Variants in PDE6C observed in about 807,000 individuals in gnomAD.
The protein encoded by PDE6C is cone cGMP-specific 3',5'-cyclic phosphodiesterase subunit alpha'.
In PDE6C, 75 loss-of-function variants were observed where a neutral mutation model predicts 113.1. That is an observed-to-expected ratio of 0.66 (90% confidence interval 0.55 to 0.80). The LOEUF (loss-of-function observed/expected upper bound fraction) is 0.80, where lower values mean the gene tolerates loss of function less well. PDE6C is among the 30% of genes least tolerant of loss of function. The pLI is 0.00. For missense variants in PDE6C, 912 were observed against 1,038.6 expected (o/e 0.88, Z 1.67); for synonymous variants, 375 against 363.7 (o/e 1.03, Z -0.35).
chr10:93,620,384 C>A (rs2058439581), intron 1 of PDE6C, among the ~76,000 whole-genome samples: 1 of 152,116 alleles, frequency 6.6e-6, no homozygotes, highest in South Asian at 2.1e-4. Context: ...TTTCTTCTGG[C>A]CCAACCTCAG....
intron 1 of PDE6C, among the ~76,000 whole-genome samples, chr10:93,614,181 G>C (rs997362166): frequency 1.3e-5 from 2 of 152,176 alleles, no homozygotes; most frequent in African/African-American, 4.8e-5. Context: ...AGTTGAATGG[G>C]AACAACTTGT....
At chr10:93,629,627 G>A (rs1437834008) in intron 8 of PDE6C, among the ~76,000 whole-genome samples, 1 of 152,194 alleles carries the variant, frequency 6.6e-6, no homozygotes, top group Non-Finnish European at 1.5e-5. Context: ...CACAGAATGA[G>A]GGTGGGGTGG....
intron 18 of PDE6C, 99 bp downstream of exon 18, chr10:93,659,266 G>A (rs1476376880): frequency 2.4e-6 from 2 of 831,460 alleles, no homozygotes; most frequent in East Asian, 5.2e-5. Flanking sequence ...TCAGAATTCT[G>A]AAAAATTACA....
Position 93,640,551 on chromosome 10 carries a change from G to C in PDE6C, c.1731G>C (p.Leu577Phe). ...GFNVGQTMFT[L>F]LMTGRLKKYY... ...ACGTGGGGCAGACCATGTTTACTTT[G>C]CTGATGGTAGGTACAGAGGGCTGTA... The change falls in exon 13 of 22, where the codon TTG (leucine) becomes TTC (phenylalanine). Residue 577 changes from leucine to phenylalanine, a missense_variant. By Grantham distance (22) the Leu-to-Phe change is conservative. Coordinates refer to ENST00000371447, the MANE Select transcript of PDE6C (RefSeq NM_006204.4). 2.5e-6 allele frequency: 4 copies of C among 1,606,538 alleles called. No homozygotes were observed. The highest frequency in any genetic ancestry group is 3.4e-6 in the Non-Finnish European group (4 of 1,173,106).
rs760329824 is a variant in PDE6C, at chr10:93,612,868, T to C, written c.143T>C (p.Met48Thr). The stretch of plus-strand genomic sequence containing the variant: ...AGCCAGGTGCCAGTCCAGTCCAGCA[T>C]GTCCTTCTCTGAGCTGACCCAGGTG... Reference protein sequence around the residue: ...KNSQVPVQSSMSFSELTQVEE... With the variant: ...KNSQVPVQSSTSFSELTQVEE... The change falls in exon 1 of 22, where the codon ATG (methionine) becomes ACG (threonine). Residue 48 changes from methionine (M) to threonine (T), a missense_variant. Physicochemically the swap from Met to Thr is moderately conservative, Grantham distance 81. Coordinates refer to ENST00000371447, the MANE Select transcript of PDE6C (RefSeq NM_006204.4). 1.2e-6 allele frequency: 2 copies of C among 1,614,126 alleles called. No individual in the cohort carries two copies. Among genetic ancestry groups the C allele is most frequent in the Non-Finnish European group, 1.7e-6 (2 of 1,180,006 alleles).
chr10:93,625,252 G>C (rs145086429), intron 4 of PDE6C, among the ~76,000 whole-genome samples: 1 of 152,176 alleles, frequency 6.6e-6, no homozygotes, highest in Non-Finnish European at 1.5e-5. Flanking sequence ...TAGCTTAATT[G>C]TCTATGAAAG....
chr10:93,659,870 T>C (rs1029676644), intron 18 of PDE6C, among the ~76,000 whole-genome samples: 1 of 152,206 alleles, frequency 6.6e-6, no homozygotes, highest in South Asian at 2.1e-4. Context: ...AAGGGTGTTT[T>C]TGCTCCTATA....
At chr10:93,614,477 A>ACC (rs1483873364) in intron 1 of PDE6C, among the ~76,000 whole-genome samples, 5 of 152,282 alleles carry the variant, frequency 3.3e-5, no homozygotes, top group Admixed American at 2.6e-4. Context: ...CAAGTGTCTA[A>ACC]ATGGATGCTC....
intron 14 of PDE6C, among the ~76,000 whole-genome samples, 169 bp downstream of exon 14, chr10:93,641,198 G>A (rs145683622): frequency 1.5e-4 from 23 of 152,224 alleles, no homozygotes; most frequent in African/African-American, 5.1e-4. Context: ...TCACGATAAC[G>A]TTGCTCTTTC....
chr10:93,643,464 C>T (rs590226), intron 14 of PDE6C, among the ~76,000 whole-genome samples: 32,495 of 151,976 alleles, frequency 0.21, 3,649 homozygotes, highest in Admixed American at 0.27. Flanking sequence ...TCACAGCTCA[C>T]TGCAGCCTTG....
At chr10:93,655,907 T>C (rs2058635792) in intron 16 of PDE6C, 47 bp downstream of exon 16, 1 of 943,254 alleles carries the variant, frequency 1.1e-6, no homozygotes, top group Admixed American at 1.7e-5. Context: ...CTCTGTGTGG[T>C]TTTACCTTCC....
At chr10:93,645,416 A>G (rs950005733) in intron 14 of PDE6C, among the ~76,000 whole-genome samples, 20 of 152,168 alleles carry the variant, frequency 1.3e-4, no homozygotes, top group Non-Finnish European at 2.9e-4. Flanking sequence ...GTCTTCACAT[A>G]ATCTCTAGAC....
intron 15 of PDE6C, among the ~76,000 whole-genome samples, chr10:93,647,562 C>T (rs913489596): frequency 6.6e-6 from 1 of 152,198 alleles, no homozygotes; most frequent in Admixed American, 6.6e-5. Context: ...TCTAATTCCG[C>T]TATGCTCTTG....
chr10:93,632,928 A>C (rs1272010979), intron 8 of PDE6C, among the ~76,000 whole-genome samples: 7 of 152,234 alleles, frequency 4.6e-5, no homozygotes, highest in Non-Finnish European at 1.0e-4. Flanking sequence ...CTATAAGTGC[A>C]GTTGGAATTC....
intron 15 of PDE6C, 150 bp from the exon 16 acceptor site, chr10:93,655,610 C>CAAAAAAAAAAAAAAAAAAAGAAA: frequency 3.8e-6 from 1 of 265,126 alleles, no homozygotes; most frequent in Non-Finnish European, 6.6e-6. Context: ...AAAAGCAAGC[C>CAAAAAAAAAAAAAAAAAAAGAAA]AAAAAAAAAA....
chr10:93,659,379 A>G (rs1457564493), intron 18 of PDE6C, among the ~76,000 whole-genome samples: 2 of 152,174 alleles, frequency 1.3e-5, no homozygotes, highest in Admixed American at 6.5e-5. Context: ...TTTAACATTG[A>G]AACACTGTAA....
At chr10:93,633,949 C>T (rs951627199) in intron 8 of PDE6C, among the ~76,000 whole-genome samples, 1 of 152,050 alleles carries the variant, frequency 6.6e-6, no homozygotes, top group African/African-American at 2.4e-5. Context: ...TGCTAGAGTA[C>T]ATATAATGGC....
At chr10:93,625,946 C>A (rs959914689) in intron 5 of PDE6C, among the ~76,000 whole-genome samples, 2 of 152,122 alleles carry the variant, frequency 1.3e-5, no homozygotes, top group African/African-American at 4.8e-5. Context: ...TAAAGAAGTA[C>A]CTGGGCCCTT....
At chr10:93,633,951 T>C (rs986784933) in intron 8 of PDE6C, among the ~76,000 whole-genome samples, 1 of 152,112 alleles carries the variant, frequency 6.6e-6, no homozygotes, top group Middle Eastern at 3.2e-3. Context: ...CTAGAGTACA[T>C]ATAATGGCTG....
Sources: allele counts gnomAD v4.1 joint callset (sites outside exome capture counted in the v4.1 genomes callset), GRCh38; gene constraint gnomAD v4.1.1; transcripts MANE v1.5; gene names NCBI Gene and HGNC (gene_info 2026-07-23, HGNC 2026-07-21).